The following SLC41A2 variants were observed in gnomAD, a reference collection of about 807,000 sequenced individuals.
SLC41A2 encodes the protein solute carrier family 41 member 2, also known as SLC41A1-like 1.
Under a neutral mutation model 58.3 loss-of-function variants are expected in SLC41A2, and 32 were observed. The ratio of observed to expected loss-of-function variants is 0.55; its 90% CI spans 0.41 to 0.74. The LOEUF is 0.74. SLC41A2 is among the 30% of genes least tolerant of loss of function. The probability of loss-of-function intolerance (pLI) is 0.00; values close to 1 mark genes in which losing one functional copy is unlikely to be tolerated. For synonymous variants in SLC41A2, 190 were observed against 235.0 expected (o/e 0.81, Z 1.75); for missense variants, 514 against 680.6 (o/e 0.76, Z 2.72).
intron 4 of SLC41A2, among the ~76,000 whole-genome samples, chr12:104,891,757 C>T (rs1161611796): frequency 6.6e-6 from 1 of 151,820 alleles, no homozygotes; most frequent in Non-Finnish European, 1.5e-5. Flanking sequence ...GTCAAATTAT[C>T]CTTATTTGCA....
At chr12:104,909,294 G>A (rs2045979609) in intron 3 of SLC41A2, among the ~76,000 whole-genome samples, 1 of 152,082 alleles carries the variant, frequency 6.6e-6, no homozygotes, top group Non-Finnish European at 1.5e-5. Context: ...TCCCTTTTCT[G>A]TAGTTTTTAT....
chr12:104,858,347 C>G (rs1039694070), intron 8 of SLC41A2, among the ~76,000 whole-genome samples: 2 of 152,070 alleles, frequency 1.3e-5, no homozygotes, highest in Non-Finnish European at 2.9e-5. Flanking sequence ...TAGACCCGAT[C>G]TGGTTTTCAA....
intron 4 of SLC41A2, among the ~76,000 whole-genome samples, chr12:104,890,096 G>C (rs770851946): frequency 6.6e-6 from 1 of 152,142 alleles, no homozygotes. Flanking sequence ...GGCAAACACA[G>C]AGGCACTCAA....
At chr12:104,827,103 G>A (rs2041872847) in intron 10 of SLC41A2, among the ~76,000 whole-genome samples, 1 of 152,180 alleles carries the variant, frequency 6.6e-6, no homozygotes, top group South Asian at 2.1e-4. Context: ...GATCGATCAG[G>A]GATTTGATGA....
In SLC41A2 at chr12:104,945,892, C is replaced by G. The variant is rs1019390885; in HGVS notation, c.-168+12196G>C. ...ATAACTACAAATGAACCATCAACCTCCAAGGTGAAGCAAGGTGATACACCA... is the reference window on the plus strand; with the variant it reads ...ATAACTACAAATGAACCATCAACCTGCAAGGTGAAGCAAGGTGATACACCA... On this transcript the variant is annotated intron_variant, in intron 1 of 10. Coordinates refer to ENST00000258538, the MANE Select transcript of SLC41A2 (RefSeq NM_001352171.3). 5.3e-5 allele frequency among the ~76,000 whole-genome samples: 8 copies of G among 152,290 alleles called. No individual in the cohort carries two copies. The East Asian group carries it at 1.5e-3, about 29-fold the overall frequency.
chr12:104,905,625 G>T lies in SLC41A2; in HGVS notation c.663+4030C>A, dbSNP rs540357678. Among the ~76,000 whole-genome samples, 5 of 152,356 alleles carry T rather than the reference G, an allele frequency of 3.3e-5. No homozygotes were observed. In the South Asian group the frequency reaches 1.0e-3, roughly 32 times the overall value. On this transcript the variant is annotated intron_variant, in intron 3 of 10. Coordinates refer to ENST00000258538, the MANE Select transcript of SLC41A2 (RefSeq NM_001352171.3). ...CCCATGGAGTGGGTGGGAGGCTCAG[G>T]CATGGCAGGCTGCAGGTCCTGAGCC...
Position 104,911,046 on chromosome 12 carries a change from C to G in SLC41A2, c.556-1284G>C, listed in dbSNP as rs568333244. On this transcript the variant is annotated intron_variant, in intron 2 of 10. Coordinates refer to ENST00000258538, the MANE Select transcript of SLC41A2 (RefSeq NM_001352171.3). ...TTGGTCTCCACACCCCTTATCTTAA[C>G]CCACATATTCCTTTCTATTGATTCC... is the stretch of plus-strand genomic sequence containing the variant. Among the ~76,000 whole-genome samples the G allele has an allele frequency of 1.7e-3, 252 of 152,290 alleles. 2 individuals carry two copies. Among genetic ancestry groups the G allele is most frequent in the African/African-American group, 6.0e-3 (248 of 41,572 alleles).
In SLC41A2 at chr12:104,886,443, G is replaced by C. The variant is rs765085773; in HGVS notation, c.881-4C>G. The C allele has an allele frequency of 1.1e-5, 17 of 1,610,894 alleles. No individual in the cohort carries two copies. In the African/African-American group the frequency reaches 2.3e-4, roughly 22 times the overall value. On this transcript the variant is annotated splice_polypyrimidine_tract_variant and splice_region_variant and intron_variant, in intron 5 of 10. Coordinates refer to ENST00000258538, the MANE Select transcript of SLC41A2 (RefSeq NM_001352171.3). ...ATAACCCCAACCATTATTATTCCTA[G>C]AAGAAAGAATGTTCATTACTTTTTA... is the stretch of plus-strand genomic sequence containing the variant.
chr12:104,940,736 G>C (rs1300306097), intron 1 of SLC41A2, among the ~76,000 whole-genome samples: 2 of 151,270 alleles, frequency 1.3e-5, no homozygotes, highest in East Asian at 1.9e-4. Context: ...TGGCCAATAG[G>C]GTGAAACCCC....
intron 10 of SLC41A2, among the ~76,000 whole-genome samples, chr12:104,807,100 T>C (rs2136186876): frequency 1.3e-5 from 2 of 152,374 alleles, no homozygotes; most frequent in Non-Finnish European, 2.9e-5. Flanking sequence ...TTGGCTTTTG[T>C]TGCCATTGCT....
chr12:104,917,302 A>G (rs537416885), intron 2 of SLC41A2, among the ~76,000 whole-genome samples: 30 of 151,046 alleles, frequency 2.0e-4, no homozygotes, highest in Middle Eastern at 6.8e-3. Context: ...TTAGAATGGC[A>G]ATCATTAAAA....
At chr12:104,857,083 C>A (rs558847316) in intron 8 of SLC41A2, among the ~76,000 whole-genome samples, 2 of 151,960 alleles carry the variant, frequency 1.3e-5, no homozygotes, top group East Asian at 1.9e-4. Context: ...AAAAAGAGTA[C>A]ATAAGTAAAA....
chr12:104,940,494 TAATAAAAAACAAAAAAATAAAAA>T (rs1350052968), intron 1 of SLC41A2, among the ~76,000 whole-genome samples: 1 of 125,482 alleles, frequency 8.0e-6, no homozygotes, highest in Non-Finnish European at 1.7e-5. Flanking sequence ...ATTTAAAGTA[TAATAAAAAACAAAAAAATAAAAA>T]AATAAAATAT....
rs1187265827 is a variant in SLC41A2, at chr12:104,886,342, T to C, written c.978A>G (p.Ile326Met). ...TTATCCAAGCCAATATGGCAAGAGT[T>C]ATAAGGTCGCCAAAACTAGCAGCAA... ...TPIAASFGDL[I>M]TLAILAWISQ... Residue 326 changes from isoleucine (I) to methionine (M), a missense_variant, in exon 6 of 11, where the codon ATA (isoleucine) becomes ATG (methionine). Physicochemically the swap from Ile to Met is conservative, Grantham distance 10 (BLOSUM62 1). Transcript: ENST00000258538. 5.6e-6 allele frequency: 9 copies of C among 1,613,572 alleles called. No homozygotes were observed. The African/African-American group carries it at 1.2e-4, about 22-fold the overall frequency.
chr12:104,877,623 C>T (rs1210067800), intron 6 of SLC41A2, among the ~76,000 whole-genome samples: 21 of 152,000 alleles, frequency 1.4e-4, no homozygotes, highest in Non-Finnish European at 5.9e-5. Context: ...ATATAACATT[C>T]GAAATACCGA....
intron 10 of SLC41A2, among the ~76,000 whole-genome samples, chr12:104,835,024 A>G (rs933490484): frequency 2.6e-5 from 4 of 152,236 alleles, no homozygotes; most frequent in African/African-American, 9.6e-5. Flanking sequence ...CCACCCTAAG[A>G]GAGTCACTGT....
chr12:104,827,347 A>C (rs2041882036), intron 10 of SLC41A2, among the ~76,000 whole-genome samples: 1 of 152,218 alleles, frequency 6.6e-6, no homozygotes, highest in Non-Finnish European at 1.5e-5. Flanking sequence ...GGCCCAGCAA[A>C]GGGAGAGAAA....
chr12:104,886,471 C>T, intron 5 of SLC41A2, 32 bp from the exon 6 acceptor site: 1 of 1,601,458 alleles, frequency 6.2e-7, no homozygotes, highest in Non-Finnish European at 8.5e-7. Flanking sequence ...ACTTTTTAGG[C>T]TATGATTTAA....
intron 2 of SLC41A2, among the ~76,000 whole-genome samples, chr12:104,915,568 T>G (rs1202338794): frequency 1.3e-5 from 2 of 152,198 alleles, no homozygotes; most frequent in East Asian, 3.8e-4. Context: ...TGGCTCTCTG[T>G]TTGTCTGTTA....
Sources: allele counts gnomAD v4.1 joint callset (sites outside exome capture counted in the v4.1 genomes callset), GRCh38; gene constraint gnomAD v4.1.1; transcripts MANE v1.5; gene names NCBI Gene and HGNC (gene_info 2026-07-23, HGNC 2026-07-21).